Variants in MED15 observed in about 807,000 individuals in gnomAD.
MED15 encodes the protein mediator of RNA polymerase II transcription subunit 15.
A neutral mutation model predicts 118.7 loss-of-function variants in MED15; 41 were observed. That is an observed-to-expected ratio of 0.35 (90% CI 0.27 to 0.45). The LOEUF is 0.45. Among genes scored for constraint, MED15 ranks in the 20% least tolerant of loss-of-function variants. The pLI, the probability that MED15 is intolerant of heterozygous loss-of-function variation, is 1.00. For missense variants in MED15, 740 were observed against 1,025.5 expected (o/e 0.72, Z 3.80); for synonymous variants, 436 against 413.9 (o/e 1.05, Z -0.65).
At chr22:20,533,838 C>A in intron 1 of MED15, among the ~76,000 whole-genome samples, 1 of 152,166 alleles carries the variant, frequency 6.6e-6, no homozygotes, top group Non-Finnish European at 1.5e-5. Context: ...ACCTTGCCTT[C>A]AGCTCACCAA....
At chr22:20,530,955 CTT>C (rs2054837590) in intron 1 of MED15, among the ~76,000 whole-genome samples, 1 of 152,138 alleles carries the variant, frequency 6.6e-6, no homozygotes, top group Non-Finnish European at 1.5e-5. Context: ...TGTTGCCTGA[CTT>C]ATTTCTTTAA....
intron 1 of MED15, among the ~76,000 whole-genome samples, chr22:20,534,546 AAGG>A: frequency 6.6e-6 from 1 of 152,176 alleles, no homozygotes; most frequent in Non-Finnish European, 1.5e-5. Context: ...AAAAAGAAAA[AAGG>A]AAGGTGGGAA....
intron 8 of MED15, among the ~76,000 whole-genome samples, chr22:20,573,092 C>T (rs189854721): frequency 1.4e-3 from 208 of 152,196 alleles, no homozygotes; most frequent in African/African-American, 5.0e-3. Context: ...CCTCAGCCTC[C>T]CAAGTACCTG....
intron 6 of MED15, 67 bp from the exon 7 acceptor site, chr22:20,566,400 C>T (rs2056439752): frequency 1.9e-6 from 3 of 1,587,734 alleles, no homozygotes; most frequent in African/African-American, 1.3e-5. Flanking sequence ...CCCAGACTGT[C>T]ACAGGGAGGA....
chr22:20,555,198 A>C (rs2055946538), intron 5 of MED15, 50 bp downstream of exon 5: 1 of 1,484,204 alleles, frequency 6.7e-7, no homozygotes, highest in African/African-American at 1.4e-5. Flanking sequence ...GCAAACGACA[A>C]CACATTTTAT....
chr22:20,584,124 G>T, intron 13 of MED15: 1 of 573,650 alleles, frequency 1.7e-6, no homozygotes. Flanking sequence ...CTGATCAGGG[G>T]CCTGGCCACT....
Position 20,586,748 on chromosome 22 carries a change from C to T in MED15, c.*44C>T. The T allele has an allele frequency of 2.5e-6, 4 of 1,604,694 alleles. No individual in the cohort carries two copies. The highest frequency in any genetic ancestry group is 3.4e-6 in the Non-Finnish European group (4 of 1,177,012). On this transcript the variant is annotated 3_prime_UTR_variant, in exon 18 of 18. Coordinates refer to ENST00000263205, the MANE Select transcript of MED15 (RefSeq NM_001003891.3). ...CCCGCAGCCTCATCGGGGCCAAGGA[C>T]ACACGCCTCCTGTCAGACACTTCTA...
chr22:20,568,762 C>T (rs1304149316), intron 8 of MED15, 131 bp downstream of exon 8: 1 of 1,422,302 alleles, frequency 7.0e-7, no homozygotes, highest in African/African-American at 1.4e-5. Context: ...GGGCTTCTCT[C>T]CCCCTTGCAC....
intron 2 of MED15, among the ~76,000 whole-genome samples, chr22:20,547,553 C>T (rs1317069674): frequency 1.3e-5 from 2 of 152,140 alleles, no homozygotes; most frequent in African/African-American, 4.8e-5. Context: ...GGCGTGGTGG[C>T]TCACGCTTGT....
rs775096441 is a variant in MED15 at position 20,551,360 on chromosome 22, G to A, written c.157-76G>A. The A allele has an allele frequency of 6.9e-5, 93 of 1,352,692 alleles. 1 individual carries two copies. The highest frequency in any genetic ancestry group is 1.5e-4 in the South Asian group (13 of 85,634). The allele number at this position is 1,352,692 out of a possible 1,614,324, so 83.8% of individuals were successfully genotyped here. On this transcript the variant is annotated intron_variant, in intron 2 of 17. Transcript: ENST00000263205. ...GGGCTTCAGCTCGGTGCCAGCAGGCGAGGGGGCGGGAAGGGGGAGTCCGAT... is the reference window on the plus strand; with the variant it reads ...GGGCTTCAGCTCGGTGCCAGCAGGCAAGGGGGCGGGAAGGGGGAGTCCGAT...
In MED15 at chr22:20,507,740, G is replaced by T. The variant is rs1328818986; in HGVS notation, c.62G>T (p.Ser21Ile). 1.2e-6 allele frequency: 2 copies of T among 1,614,074 alleles called. No homozygotes were observed. Among genetic ancestry groups the T allele is most frequent in the Admixed American group, 3.3e-5 (2 of 60,028 alleles). Reference sequence around the variant, plus strand: ...ACCGCCTTCCGGCAGAAGCTGGTCAGTCAAATGTGAGTAGTGGTCGGGGCA... The same window carrying T: ...ACCGCCTTCCGGCAGAAGCTGGTCATTCAAATGTGAGTAGTGGTCGGGGCA... ...RSTAFRQKLVSQIEDAMRKAG... is the reference protein window; with the variant it reads ...RSTAFRQKLVIQIEDAMRKAG... The change falls in exon 1 of 18, where the codon AGT becomes ATT. Residue 21 changes from serine (S) to isoleucine (I), a missense_variant. Transcript: ENST00000263205.
intron 8 of MED15, among the ~76,000 whole-genome samples, chr22:20,570,746 CTTTTTTTTTTTTTTTT>C (rs61109389): frequency 0.027 from 1,702 of 62,296 alleles, 29 homozygotes; most frequent in Middle Eastern, 0.091. Context: ...TTCTTTCTTT[CTTTTTTTTTTTTTTTT>C]TTTTTTTTTT....
At chr22:20,576,685 G>A (rs1328681342) in intron 9 of MED15, among the ~76,000 whole-genome samples, 2 of 145,384 alleles carry the variant, frequency 1.4e-5, no homozygotes, top group East Asian at 2.0e-4. Flanking sequence ...CCAGAGGAGC[G>A]GAAGTTGGGG....
rs1008075886 is a variant in MED15 at position 20,582,705 on chromosome 22, C to T, written c.1367C>T (p.Pro456Leu). 10 of 1,596,742 alleles carry T rather than the reference C, an allele frequency of 6.3e-6. No individual in the cohort carries two copies. The highest frequency in any genetic ancestry group is 4.5e-5 in the East Asian group (2 of 44,814). The change falls in exon 10 of 18, where the codon CCG becomes CTG. Residue 456 changes from proline (P) to leucine (L), a missense_variant. By Grantham distance (98) the Pro-to-Leu change is moderately conservative. Around this residue, in one of 7 missense-constraint regions of MED15, gnomAD observed 384 missense variants for 506.3 expected, o/e 0.76. Transcript: ENST00000263205. ...QSMPPPPQPS[P>L]QPGQPSSQPN... ...ATGCCCCCTCCCCCCCAGCCGTCCC[C>T]GCAGCCCGGCCAGCCCAGCTCACAG...
rs140467885 is a variant in MED15, at chr22:20,511,814, A to C, written c.68+4068A>C. ...AACAGCACAAGTGAGGGTGAGGCCT[A>C]AAGTGTAGCCACTGCCCTGCTGCAG... is the stretch of plus-strand genomic sequence containing the variant. On this transcript the variant is annotated intron_variant, in intron 1 of 17. Coordinates refer to ENST00000263205, the MANE Select transcript of MED15 (RefSeq NM_001003891.3). Among the ~76,000 whole-genome samples, 3 of 152,164 alleles carry C rather than the reference A, an allele frequency of 2.0e-5. No homozygotes were observed. In the East Asian group the frequency reaches 5.8e-4, roughly 29 times the overall value.
intron 5 of MED15, among the ~76,000 whole-genome samples, chr22:20,564,130 C>T (rs747732157): frequency 8.5e-5 from 13 of 152,182 alleles, no homozygotes; most frequent in South Asian, 2.1e-4. Flanking sequence ...ACAAAGAGTC[C>T]GGAAGTGGCC....
chr22:20,565,388 C>T (rs1444501747), intron 6 of MED15, among the ~76,000 whole-genome samples: 6 of 152,212 alleles, frequency 3.9e-5, no homozygotes, highest in Non-Finnish European at 8.8e-5. Context: ...CTGTTTACCT[C>T]TGTGTCTTGG....
intron 2 of MED15, among the ~76,000 whole-genome samples, chr22:20,539,471 T>C (rs1034980324): frequency 5.9e-5 from 9 of 152,246 alleles, no homozygotes; most frequent in Admixed American, 5.9e-4. Flanking sequence ...ACATATTTTA[T>C]AGCCATTCGT....
Position 20,520,567 on chromosome 22 carries a change from T to C in MED15, c.68+12821T>C, listed in dbSNP as rs150314134. On this transcript the variant is annotated intron_variant, in intron 1 of 17. Coordinates refer to ENST00000263205, the MANE Select transcript of MED15 (RefSeq NM_001003891.3). ...TTGCTTATTTCATGGGGTGTTTAAA[T>C]TGAGGTATAATCCCTATCACAGTGA... Among the ~76,000 whole-genome samples the C allele has an allele frequency of 2.0e-4, 30 of 152,322 alleles. No homozygotes were observed. In the East Asian group the frequency reaches 5.0e-3, roughly 25 times the overall value.
Sources: allele counts gnomAD v4.1 joint callset (sites outside exome capture counted in the v4.1 genomes callset), GRCh38; gene constraint gnomAD v4.1.1; regional missense constraint gnomAD v4.1.1; transcripts MANE v1.5; gene names NCBI Gene and HGNC (gene_info 2026-07-23, HGNC 2026-07-21).